GLRA3: variants seen among roughly 807,000 people sequenced by gnomAD.
The protein encoded by GLRA3 is glycine receptor subunit alpha-3.
In GLRA3, 44 loss-of-function variants were observed where a neutral mutation model predicts 60.4. The observed-to-expected ratio is 0.73, with a 90% CI of 0.57 to 0.94. The LOEUF (loss-of-function observed/expected upper bound fraction) is 0.94. GLRA3 is among the 40% of genes least tolerant of loss of function. The pLI, the probability that GLRA3 is intolerant of heterozygous loss-of-function variation, is 0.00. For missense variants in GLRA3, 508 were observed against 564.6 expected, an observed-to-expected ratio of 0.90 and a Z score of 1.02; for synonymous variants, 223 against 192.9, an observed-to-expected ratio of 1.16 and a Z score of -1.29.
At chr4:174,697,634 C>T (rs1277706992) in intron 5 of GLRA3, among the ~76,000 whole-genome samples, 1 of 152,146 alleles carries the variant, frequency 6.6e-6, no homozygotes, top group East Asian at 1.9e-4. Flanking sequence ...GTATAGCTGA[C>T]CTATCACCAT....
chr4:174,783,082 C>T (rs564678634), intron 2 of GLRA3, among the ~76,000 whole-genome samples: 100 of 152,320 alleles, frequency 6.6e-4, no homozygotes, highest in Non-Finnish European at 1.2e-3. Context: ...TACAAGGCTA[C>T]AGTAAACAAA....
chr4:174,777,072 T>A (rs1282526979), intron 2 of GLRA3, among the ~76,000 whole-genome samples: 7 of 152,148 alleles, frequency 4.6e-5, no homozygotes, highest in Non-Finnish European at 1.0e-4. Context: ...GCAGATTTTT[T>A]AAAAATAAAG....
At chr4:174,811,815 T>C (rs1740286829) in intron 1 of GLRA3, among the ~76,000 whole-genome samples, 1 of 152,184 alleles carries the variant, frequency 6.6e-6, no homozygotes. Flanking sequence ...CTTCCTTATA[T>C]TCTAAATATA....
Position 174,715,490 on chromosome 4 carries a change from C to A in GLRA3, c.572G>T (p.Ser191Ile). 1.4e-6 allele frequency: 2 copies of A among 1,475,374 alleles called. No homozygotes were observed. The highest frequency in any genetic ancestry group is 1.7e-5 in the Admixed American group (1 of 58,486). The allele number at this position is 1,475,374 out of a possible 1,614,324, so 91.4% of individuals were successfully genotyped here. A position where few individuals can be genotyped will look rare whatever the true frequency, so the allele number is the denominator to read the frequency against. ...AAAAGTAAGTGGTTCATACTTACAG[C>A]TTTCCAGTTGCATTATACATGTTTG... ...DVQTCIMQLE[S>I]FGYTMNDLIF... The change falls in exon 5 of 10, where the codon AGC (serine) becomes ATC (isoleucine). Residue 191 changes from serine to isoleucine, a missense_variant and splice_region_variant. Ser to Ile is a moderately radical substitution (Grantham distance 142). Coordinates refer to ENST00000274093, the MANE Select transcript of GLRA3 (RefSeq NM_006529.4).
chr4:174,676,259 C>T (rs534955093), intron 7 of GLRA3, among the ~76,000 whole-genome samples: 2 of 152,066 alleles, frequency 1.3e-5, no homozygotes, highest in East Asian at 3.9e-4. Flanking sequence ...GGATGAAAAT[C>T]GTGGAATTAG....
At chr4:174,753,900 A>G (rs1480320549) in intron 3 of GLRA3, among the ~76,000 whole-genome samples, 1 of 152,188 alleles carries the variant, frequency 6.6e-6, no homozygotes, top group East Asian at 1.9e-4. Flanking sequence ...ACAATGATAT[A>G]CAGTCTGATA....
At chr4:174,748,536 A>G (rs533593267) in intron 3 of GLRA3, among the ~76,000 whole-genome samples, 72 of 152,296 alleles carry the variant, frequency 4.7e-4, no homozygotes, top group Non-Finnish European at 7.6e-4. Context: ...AAGAGTTGAA[A>G]TACATTGAGT....
At chr4:174,666,756 A>AT (rs1309798556) in intron 7 of GLRA3, among the ~76,000 whole-genome samples, 6 of 46,976 alleles carry the variant, frequency 1.3e-4, no homozygotes, top group African/African-American at 1.3e-3. Flanking sequence ...ATATATATAT[A>AT]TATTATATAT....
chr4:174,762,211 T>A (rs1737967409), intron 3 of GLRA3, among the ~76,000 whole-genome samples: 1 of 152,200 alleles, frequency 6.6e-6, no homozygotes, highest in Non-Finnish European at 1.5e-5. Flanking sequence ...AATGGACTTT[T>A]AATGTCATCG....
chr4:174,803,103 C>G lies in GLRA3; in HGVS notation c.72-14160G>C, dbSNP rs530921990. On this transcript the variant is annotated intron_variant, in intron 1 of 9. Coordinates refer to ENST00000274093, the MANE Select transcript of GLRA3 (RefSeq NM_006529.4). ...TGTAATTATTTGAGATTTCTTAAAT[C>G]TAATCTTTATACAATTTATTGGTTT... 9.9e-5 allele frequency among the ~76,000 whole-genome samples: 15 copies of G among 152,110 alleles called. No individual in the cohort carries two copies. The East Asian group carries it at 2.9e-3, about 29-fold the overall frequency.
At chr4:174,793,365 A>G (rs1378152831) in intron 1 of GLRA3, among the ~76,000 whole-genome samples, 1 of 151,904 alleles carries the variant, frequency 6.6e-6, no homozygotes, top group East Asian at 1.9e-4. Context: ...CCATGATACC[A>G]TTTTGCAGGC....
In GLRA3 at chr4:174,655,972, C is replaced by A. The variant is rs1733180614; in HGVS notation, c.1116+771G>T. On this transcript the variant is annotated intron_variant, in intron 9 of 9. Coordinates refer to ENST00000274093, the MANE Select transcript of GLRA3 (RefSeq NM_006529.4). The stretch of plus-strand genomic sequence containing the variant: ...TACAATAGAATCATCTGGAGAACTA[C>A]TTATAAATATAGTTTACCCCAGAAA... Among the ~76,000 whole-genome samples the A allele has an allele frequency of 2.0e-5, 3 of 152,054 alleles. No homozygotes were observed. The South Asian group carries it at 6.2e-4, about 32-fold the overall frequency.
intron 1 of GLRA3, among the ~76,000 whole-genome samples, chr4:174,817,653 G>A (rs1740563239): frequency 6.6e-6 from 1 of 152,086 alleles, no homozygotes; most frequent in South Asian, 2.1e-4. Flanking sequence ...TGTTGCCCAG[G>A]CTGGAGTGCA....
chr4:174,674,899 A>G (rs1302503020), intron 7 of GLRA3, among the ~76,000 whole-genome samples: 2 of 152,118 alleles, frequency 1.3e-5, no homozygotes, highest in Non-Finnish European at 2.9e-5. Flanking sequence ...CTCTGGCCCA[A>G]AATAGTTGCA....
rs149264635 is a variant in GLRA3, at chr4:174,762,931, A to G, written c.267+4032T>C. 3.5e-3 allele frequency among the ~76,000 whole-genome samples: 531 copies of G among 152,302 alleles called. 1 individual carries two copies. Among genetic ancestry groups the G allele is most frequent in the Middle Eastern group, 6.8e-3 (2 of 294 alleles). On this transcript the variant is annotated intron_variant, in intron 3 of 9. Transcript: ENST00000274093. ...CCCTGACCAAAGATAGTCTATCAGA[A>G]TTCAGAAGTCTTTTATCATCAGAAT...
At chr4:174,768,072 T>C (rs7687424) in intron 2 of GLRA3, among the ~76,000 whole-genome samples, 114,327 of 151,950 alleles carry the variant, frequency 0.75, 43,307 homozygotes, top group East Asian at 1. Flanking sequence ...AATGGAAAGC[T>C]CTTTGAGTGA....
intron 1 of GLRA3, among the ~76,000 whole-genome samples, chr4:174,797,596 G>A (rs79014564): frequency 0.012 from 1,863 of 152,142 alleles, 37 homozygotes; most frequent in African/African-American, 0.042. Context: ...ATTCATTCAA[G>A]TATTGAAACA....
chr4:174,823,598 G>C (rs556242964), intron 1 of GLRA3, among the ~76,000 whole-genome samples: 1 of 152,168 alleles, frequency 6.6e-6, no homozygotes, highest in Non-Finnish European at 1.5e-5. Context: ...CTGTGGAAAA[G>C]GGTAGGAGAC....
chr4:174,691,564 G>A (rs1417476310), intron 5 of GLRA3, among the ~76,000 whole-genome samples: 16 of 152,200 alleles, frequency 1.1e-4, no homozygotes, highest in East Asian at 1.9e-4. Context: ...ACTGGTTTTC[G>A]TATTTTTTTG....
Sources: allele counts gnomAD v4.1 joint callset (sites outside exome capture counted in the v4.1 genomes callset), GRCh38; gene constraint gnomAD v4.1.1; transcripts MANE v1.5; gene names NCBI Gene and HGNC (gene_info 2026-07-23, HGNC 2026-07-21).